SH2D4B: variants seen among roughly 807,000 people sequenced by gnomAD.
SH2D4B encodes the protein SH2 domain containing 4B.
A neutral mutation model predicts 61.5 loss-of-function variants in SH2D4B; 45 were observed. The ratio of observed to expected loss-of-function variants is 0.73; its 90% CI spans 0.58 to 0.94. The LOEUF (loss-of-function observed/expected upper bound fraction) is 0.94. SH2D4B is among the 40% of genes least tolerant of loss of function. SH2D4B has a pLI of 0.00. For synonymous variants in SH2D4B, 224 were observed against 220.4 expected (o/e 1.02, Z -0.14); for missense variants, 572 against 574.2 (o/e 1.00, Z 0.04).
chr10:80,591,505 CTTTTTTTTTT>C (rs763446349), intron 4 of SH2D4B, among the ~76,000 whole-genome samples: 2 of 108,932 alleles, frequency 1.8e-5, no homozygotes. Context: ...GCCAAACTGG[CTTTTTTTTTT>C]TTTTTTTTTG....
At chr10:80,546,261 T>C (rs1423220690) in intron 1 of SH2D4B, among the ~76,000 whole-genome samples, 1 of 152,050 alleles carries the variant, frequency 6.6e-6, no homozygotes, top group Non-Finnish European at 1.5e-5. Flanking sequence ...TTGCCTAGAC[T>C]GCTCTCGAAC....
chr10:80,571,166 T>G (rs1842037382), intron 2 of SH2D4B, among the ~76,000 whole-genome samples: 1 of 152,170 alleles, frequency 6.6e-6, no homozygotes, highest in Admixed American at 6.5e-5. Flanking sequence ...TGCACCACCA[T>G]GCCTAACCTA....
chr10:80,594,858 T>C (rs1271074568), intron 4 of SH2D4B, among the ~76,000 whole-genome samples: 1 of 152,136 alleles, frequency 6.6e-6, no homozygotes, highest in East Asian at 1.9e-4. Flanking sequence ...ATTAATTTGG[T>C]GCCAGTCCTA....
At chr10:80,549,193 T>C (rs1473002559) in intron 1 of SH2D4B, among the ~76,000 whole-genome samples, 2 of 11,004 alleles carry the variant, frequency 1.8e-4, no homozygotes, top group South Asian at 4.9e-3. Context: ...AGAGCTGTGA[T>C]GGGACTTGAT....
At chr10:80,634,153 C>A in intron 6 of SH2D4B, 132 bp from the exon 7 acceptor site, 1 of 1,243,264 alleles carries the variant, frequency 8.0e-7, no homozygotes, top group African/African-American at 1.5e-5. Flanking sequence ...CTCTTTCCTT[C>A]CTGCCACCCT....
At chr10:80,572,783 C>G (rs573505001) in intron 3 of SH2D4B, among the ~76,000 whole-genome samples, 1 of 150,300 alleles carries the variant, frequency 6.7e-6, no homozygotes, top group East Asian at 2.0e-4. Flanking sequence ...CCATGCCCGG[C>G]TAATTTTTGT....
intron 3 of SH2D4B, among the ~76,000 whole-genome samples, chr10:80,583,935 C>T (rs1842214307): frequency 1.3e-5 from 2 of 152,136 alleles, no homozygotes; most frequent in Non-Finnish European, 2.9e-5. Flanking sequence ...AAGTTCAGAA[C>T]ATTGGTGTTA....
intron 1 of SH2D4B, among the ~76,000 whole-genome samples, chr10:80,569,834 C>T (rs775657235): frequency 2.6e-5 from 4 of 152,104 alleles, no homozygotes; most frequent in Admixed American, 1.3e-4. Context: ...CTGCAGGGGC[C>T]GGGAGGTTAG....
At chr10:80,572,582 T>C (rs1482375757) in intron 3 of SH2D4B, among the ~76,000 whole-genome samples, 1 of 151,962 alleles carries the variant, frequency 6.6e-6, no homozygotes, top group African/African-American at 2.4e-5. Flanking sequence ...AGTGAGGACA[T>C]TGGCCTTGCC....
chr10:80,627,385 G>A (rs780557695), intron 6 of SH2D4B, among the ~76,000 whole-genome samples: 6 of 152,034 alleles, frequency 3.9e-5, no homozygotes, highest in Non-Finnish European at 7.4e-5. Flanking sequence ...GCTGCCTATC[G>A]TACACCTCTG....
chr10:80,553,623 T>C (rs985134192), intron 1 of SH2D4B, among the ~76,000 whole-genome samples: 1 of 152,190 alleles, frequency 6.6e-6, no homozygotes, highest in African/African-American at 2.4e-5. Flanking sequence ...CCAGGCTTCA[T>C]AGGAGGTGTG....
chr10:80,615,860 C>G (rs954468413), intron 6 of SH2D4B, among the ~76,000 whole-genome samples: 1 of 152,034 alleles, frequency 6.6e-6, no homozygotes, highest in African/African-American at 2.4e-5. Context: ...ATAATAACAC[C>G]CACTACGTAG....
At chr10:80,612,981 C>T (rs978749683) in intron 6 of SH2D4B, among the ~76,000 whole-genome samples, 2 of 152,174 alleles carry the variant, frequency 1.3e-5, no homozygotes, top group African/African-American at 4.8e-5. Flanking sequence ...AGGACACTTA[C>T]GAAGATTGAG....
At chr10:80,629,068 T>C (rs2132158066) in intron 6 of SH2D4B, among the ~76,000 whole-genome samples, 2 of 145,562 alleles carry the variant, frequency 1.4e-5, no homozygotes, top group South Asian at 2.1e-4. Flanking sequence ...TACCCAAGAC[T>C]GGGTAACTTA....
intron 3 of SH2D4B, among the ~76,000 whole-genome samples, chr10:80,571,781 T>C (rs1480450039): frequency 1.3e-5 from 2 of 150,446 alleles, no homozygotes; most frequent in Non-Finnish European, 3.0e-5. Context: ...TTTTTCTTTT[T>C]TTTTTTTTTT....
At chr10:80,569,386 A>G (rs921200624) in intron 1 of SH2D4B, among the ~76,000 whole-genome samples, 2 of 152,162 alleles carry the variant, frequency 1.3e-5, no homozygotes, top group African/African-American at 2.4e-5. Flanking sequence ...ACTGCTCACA[A>G]CACAACAGCC....
At chr10:80,546,519 A>G (rs1589329767) in intron 1 of SH2D4B, among the ~76,000 whole-genome samples, 1 of 140,314 alleles carries the variant, frequency 7.1e-6, no homozygotes, top group Non-Finnish European at 1.5e-5. Context: ...ATTAAATAGC[A>G]TACGGTATTT....
intron 3 of SH2D4B, among the ~76,000 whole-genome samples, chr10:80,585,338 T>C (rs931941547): frequency 4.6e-5 from 7 of 151,798 alleles, no homozygotes; most frequent in Admixed American, 4.6e-4. Flanking sequence ...TTTTTTTTTT[T>C]TTGAGATGGA....
chr10:80,557,789 C>T (rs1391049065), intron 1 of SH2D4B, among the ~76,000 whole-genome samples: 44 of 152,020 alleles, frequency 2.9e-4, no homozygotes, highest in Admixed American at 6.6e-5. Context: ...AACTAATTTT[C>T]GTTTGTTTTA....
Sources: gnomAD v4.1 joint callset for allele counts (sites outside exome capture counted in the v4.1 genomes callset) on GRCh38, gnomAD v4.1.1 for gene constraint, MANE v1.5 for transcripts, NCBI Gene and HGNC (gene_info 2026-07-23, HGNC 2026-07-21) for gene names.